GALNT13: variants seen among roughly 807,000 people sequenced by gnomAD.
GALNT13 encodes the protein UDP-GalNAc:polypeptide N-acetylgalactosaminyltransferase 13.
In GALNT13, 28 loss-of-function variants were observed where a neutral mutation model predicts 64.2. The observed-to-expected ratio is 0.44, with a 90% confidence interval of 0.32 to 0.60. The LOEUF is 0.60. Among genes scored for constraint, GALNT13 ranks in the 20% least tolerant of loss-of-function variants. The probability of loss-of-function intolerance (pLI) is 0.05; values close to 1 mark genes in which losing one functional copy is unlikely to be tolerated. For missense variants in GALNT13, 577 were observed against 669.8 expected, an observed-to-expected ratio of 0.86 and a Z score of 1.53; for synonymous variants, 214 against 224.6, an observed-to-expected ratio of 0.95 and a Z score of 0.42.
chr2:154,446,135 T>C (rs707071), intron 12 of GALNT13, among the ~76,000 whole-genome samples: 124,000 of 151,800 alleles, frequency 0.82, 51,751 homozygotes, highest in Admixed American at 0.91. Context: ...AATTATCCTC[T>C]GAATTTGTCC....
intron 2 of GALNT13, among the ~76,000 whole-genome samples, chr2:153,916,205 T>C (rs1689334669): frequency 6.6e-6 from 1 of 150,520 alleles, no homozygotes; most frequent in African/African-American, 2.4e-5. Context: ...TCACCCAAGC[T>C]GGAGTGCAGT....
In GALNT13 at chr2:154,253,473, A is replaced by G. The variant is rs534214209; in HGVS notation, c.858-5548A>G. Among the ~76,000 whole-genome samples, 100 of 152,278 alleles carry G rather than the reference A, an allele frequency of 6.6e-4. No individual in the cohort carries two copies. In the Middle Eastern group the frequency reaches 0.014, roughly 21 times the overall value. On this transcript the variant is annotated intron_variant, in intron 7 of 12. Transcript: ENST00000392825. Reference sequence around the variant, plus strand: ...TTTTGAGACTTTTACTATTTTACATAGTTACAAAGCTTCATATCTTAAATT... The same window carrying G: ...TTTTGAGACTTTTACTATTTTACATGGTTACAAAGCTTCATATCTTAAATT...
chr2:154,245,063 C>A (rs1383930644), intron 6 of GALNT13, among the ~76,000 whole-genome samples: 2 of 151,232 alleles, frequency 1.3e-5, no homozygotes, highest in South Asian at 2.1e-4. Flanking sequence ...CTGAGATCTC[C>A]CCACTGCACT....
At chr2:153,744,859 G>C in the GALNT13 span, among the ~76,000 whole-genome samples, 1 of 152,146 alleles carries the variant, frequency 6.6e-6, no homozygotes, top group Non-Finnish European at 1.5e-5. Flanking sequence ...GTCAGACTGA[G>C]AGTATCTTCC....
At chr2:153,863,429 A>T in the GALNT13 span, among the ~76,000 whole-genome samples, 7 of 152,260 alleles carry the variant, frequency 4.6e-5, no homozygotes, top group South Asian at 1.5e-3. Flanking sequence ...CTGTTGGATA[A>T]AAGACGTAAT....
chr2:153,976,407 C>T (rs554226353), intron 3 of GALNT13, among the ~76,000 whole-genome samples: 271 of 152,176 alleles, frequency 1.8e-3, no homozygotes, highest in African/African-American at 5.8e-3. Context: ...TCAATTTTAT[C>T]TTTGTAAAGC....
chr2:154,304,164 A>T (rs958886035), intron 9 of GALNT13, among the ~76,000 whole-genome samples: 4 of 152,202 alleles, frequency 2.6e-5, no homozygotes, highest in African/African-American at 9.6e-5. Flanking sequence ...TGTATGTTTA[A>T]GTGTGTGATT....
At chr2:154,010,664 A>G (rs1225575516) in intron 3 of GALNT13, among the ~76,000 whole-genome samples, 2 of 152,138 alleles carry the variant, frequency 1.3e-5, no homozygotes, top group Non-Finnish European at 2.9e-5. Context: ...TAGGAATGGT[A>G]CCAGCTGTGG....
the GALNT13 span, among the ~76,000 whole-genome samples, chr2:153,277,577 G>A: frequency 6.6e-6 from 1 of 152,060 alleles, no homozygotes; most frequent in Non-Finnish European, 1.5e-5. Context: ...CCAGTAATGG[G>A]GTGCTGGGTC....
chr2:154,303,007 A>T (rs555374684), intron 9 of GALNT13, among the ~76,000 whole-genome samples: 2 of 152,194 alleles, frequency 1.3e-5, no homozygotes, highest in South Asian at 4.1e-4. Context: ...GCAAAGAAAT[A>T]TACTTTGGGT....
chr2:153,566,924 G>A, the GALNT13 span, among the ~76,000 whole-genome samples: 42,011 of 152,156 alleles, frequency 0.28, 6,062 homozygotes, highest in South Asian at 0.34. Flanking sequence ...TTTTAAGGAA[G>A]AGGAGACTGA....
At chr2:154,384,775 A>G (rs1379745537) in intron 9 of GALNT13, among the ~76,000 whole-genome samples, 2 of 151,946 alleles carry the variant, frequency 1.3e-5, no homozygotes, top group African/African-American at 2.4e-5. Context: ...AATCCAGGCT[A>G]TCTTAAAATC....
chr2:153,612,900 A>G, the GALNT13 span, among the ~76,000 whole-genome samples: 65 of 152,244 alleles, frequency 4.3e-4, no homozygotes, highest in Non-Finnish European at 7.9e-4. Context: ...TTTTGGTGTA[A>G]GAATATTATT....
chr2:153,247,104 A>G, the GALNT13 span, among the ~76,000 whole-genome samples: 1 of 152,170 alleles, frequency 6.6e-6, no homozygotes, highest in Admixed American at 6.5e-5. Context: ...ATCCTAAATA[A>G]TATGCACCCA....
the GALNT13 span, among the ~76,000 whole-genome samples, chr2:153,184,106 G>A: frequency 2.6e-5 from 4 of 152,118 alleles, no homozygotes; most frequent in Non-Finnish European, 4.4e-5. Context: ...GTCCATGAGC[G>A]TAGAATACTT....
At chr2:153,636,693 GGGCTCTTACTGCTTTCC>G in the GALNT13 span, among the ~76,000 whole-genome samples, 7 of 152,232 alleles carry the variant, frequency 4.6e-5, no homozygotes, top group Admixed American at 2.0e-4. Flanking sequence ...AGTAGGGCCA[GGGCTCTTACTGCTTTCC>G]TAATGCTGTG....
the GALNT13 span, among the ~76,000 whole-genome samples, chr2:153,280,266 T>G: frequency 6.6e-6 from 1 of 152,146 alleles, no homozygotes; most frequent in Admixed American, 6.5e-5. Context: ...TTTTCCTTTG[T>G]TAATCTAGCT....
chr2:153,599,945 G>T, the GALNT13 span, among the ~76,000 whole-genome samples: 1 of 152,036 alleles, frequency 6.6e-6, no homozygotes, highest in South Asian at 2.1e-4. Flanking sequence ...TGGCTGATGG[G>T]TATGACTCCA....
the GALNT13 span, among the ~76,000 whole-genome samples, chr2:153,222,315 G>GGGGGGGGGT: frequency 7.1e-6 from 1 of 141,264 alleles, no homozygotes; most frequent in East Asian, 2.0e-4. Context: ...GCTGGGGGGG[G>GGGGGGGGGT]GGGGGGGGGG....
Sources: allele counts gnomAD v4.1 joint callset (sites outside exome capture counted in the v4.1 genomes callset), GRCh38; gene constraint gnomAD v4.1.1; transcripts MANE v1.5; gene names NCBI Gene and HGNC (gene_info 2026-07-23, HGNC 2026-07-21).